The following UNC79 variants were observed in gnomAD, a reference collection of about 807,000 sequenced individuals.
UNC79 encodes protein unc-79 homolog.
Under a neutral mutation model 283.1 loss-of-function variants are expected in UNC79, and 37 were observed. The ratio of observed to expected loss-of-function variants is 0.13; its 90% CI spans 0.10 to 0.17. The LOEUF is 0.17. UNC79 is among the 10% of genes least tolerant of loss of function. The probability of loss-of-function intolerance (pLI) is 1.00; values close to 1 mark genes in which losing one functional copy is unlikely to be tolerated. For synonymous variants in UNC79, 1,107 were observed against 1,200.2 expected (o/e 0.92, Z 1.61); for missense variants, 2,272 against 3,211.1 (o/e 0.71, Z 7.07).
At chr14:93,529,549 A>ATATTGGAAT (rs2060708088) in intron 10 of UNC79, among the ~76,000 whole-genome samples, 2 of 152,336 alleles carry the variant, frequency 1.3e-5, no homozygotes, top group Admixed American at 1.3e-4. Context: ...TTAAGGGTAG[A>ATATTGGAAT]TATTGGAATT....
exon 19 of UNC79, chr14:93,580,228 T>C: frequency 6.2e-7 from 1 of 1,614,146 alleles, no homozygotes; most frequent in South Asian, 1.1e-5. Context: ...ATAAACAATG[T>C]CTTCCAAGCC....
chr14:93,357,955 C>CCA (rs2054147142), intron 1 of UNC79, among the ~76,000 whole-genome samples: 2 of 123,548 alleles, frequency 1.6e-5, no homozygotes, highest in South Asian at 2.5e-4. Context: ...AGATATATAT[C>CCA]TATATATATC....
intron 1 of UNC79, among the ~76,000 whole-genome samples, chr14:93,367,070 A>G (rs922451328): frequency 1.3e-5 from 2 of 152,116 alleles, no homozygotes; most frequent in East Asian, 3.8e-4. Flanking sequence ...GGAGGCTTTC[A>G]TACTGACTTT....
intron 1 of UNC79, among the ~76,000 whole-genome samples, chr14:93,417,710 T>A (rs2140062867): frequency 6.6e-6 from 1 of 152,284 alleles, no homozygotes; most frequent in South Asian, 2.1e-4. Context: ...TCTTGGAGGC[T>A]TTGTTCATTT....
chr14:93,653,896 C>A, intron 36 of UNC79, 42 bp downstream of exon 39: 1 of 1,614,028 alleles, frequency 6.2e-7, no homozygotes, highest in Non-Finnish European at 8.5e-7. Context: ...AAATTTGCCT[C>A]ATCCCAGACA....
At chr14:93,604,559 C>A (rs889854872) in intron 26 of UNC79, among the ~76,000 whole-genome samples, 4 of 152,106 alleles carry the variant, frequency 2.6e-5, no homozygotes, top group Non-Finnish European at 4.4e-5. Flanking sequence ...ATCCTAGAAA[C>A]CAATACCTAG....
chr14:93,634,723 A>T (rs899939291), intron 31 of UNC79, 86 bp downstream of exon 34: 15 of 1,254,406 alleles, frequency 1.2e-5, no homozygotes, highest in African/African-American at 3.0e-5. Context: ...TTGTTAAAGA[A>T]TAGATTTTCT....
chr14:93,424,594 G>T (rs2055682249), intron 1 of UNC79, among the ~76,000 whole-genome samples: 1 of 152,156 alleles, frequency 6.6e-6, no homozygotes. Context: ...TATGCTAAGT[G>T]AAATAGCCAG....
chr14:93,360,204 G>A (rs1163953394), intron 1 of UNC79, among the ~76,000 whole-genome samples: 3 of 152,294 alleles, frequency 2.0e-5, no homozygotes, highest in South Asian at 4.1e-4. Flanking sequence ...CTGACTGGTA[G>A]GATGAGGGCT....
At chr14:93,669,688 A>T (rs192491947) in intron 40 of UNC79, among the ~76,000 whole-genome samples, 9 of 152,270 alleles carry the variant, frequency 5.9e-5, no homozygotes, top group Admixed American at 2.6e-4. Flanking sequence ...CTATAAAAAA[A>T]TTTTAAAAAA....
At chr14:93,669,768 G>A (rs972983755) in intron 40 of UNC79, among the ~76,000 whole-genome samples, 2 of 152,152 alleles carry the variant, frequency 1.3e-5, no homozygotes, top group South Asian at 2.1e-4. Context: ...AGGATCACTT[G>A]AGCCCAGGCG....
At chr14:93,348,829 TG>T (rs2053922571) in intron 1 of UNC79, among the ~76,000 whole-genome samples, 1 of 152,216 alleles carries the variant, frequency 6.6e-6, no homozygotes, top group African/African-American at 2.4e-5. Context: ...ATTGCTGTCT[TG>T]AAGTGATGTT....
At chr14:93,442,792 A>G (rs934981427) in intron 1 of UNC79, among the ~76,000 whole-genome samples, 1 of 152,210 alleles carries the variant, frequency 6.6e-6, no homozygotes, top group Non-Finnish European at 1.5e-5. Context: ...CAATAAAGAT[A>G]AAGACCCATA....
rs574138132 is a variant in UNC79 at position 93,532,143 on chromosome 14, T to G, written c.1094-407T>G. ...GGTCATATTACTAAGATTTAAAAGA[T>G]TCCCCCTTCATGGCTGCCCTTATTT... On this transcript the variant is annotated intron_variant, in intron 10 of 48. Coordinates refer to ENST00000555664, the Ensembl canonical transcript of UNC79. 4.6e-5 allele frequency among the ~76,000 whole-genome samples: 7 copies of G among 152,180 alleles called. No homozygotes were observed. In the East Asian group the frequency reaches 1.3e-3, roughly 29 times the overall value.
intron 11 of UNC79, among the ~76,000 whole-genome samples, chr14:93,533,646 A>C (rs1353649858): frequency 6.6e-6 from 1 of 152,134 alleles, no homozygotes. Flanking sequence ...TGAGAGAGTG[A>C]GAGAGCCTCA....
chr14:93,504,020 A>G (rs1383991234), intron 7 of UNC79, among the ~76,000 whole-genome samples: 1 of 151,948 alleles, frequency 6.6e-6, no homozygotes, highest in Non-Finnish European at 1.5e-5. Context: ...TGAAAATATT[A>G]TTCTTTCCTT....
At position 93,418,691 on chromosome 14, in the gene UNC79, G is replaced by A. The variant is rs904612263; in HGVS notation, c.-350-48980G>A. ...GGGCTCCACCCAGTTCGAGCTTCCC[G>A]CCTGCTTTGTTTACCTAAGCAAGCC... is the stretch of plus-strand genomic sequence containing the variant. On this transcript the variant is annotated intron_variant, in intron 1 of 49. Transcript: ENST00000256339. Among the ~76,000 whole-genome samples the A allele has an allele frequency of 4.2e-4, 64 of 151,904 alleles. 1 individual carries two copies. The highest frequency in any genetic ancestry group is 1.5e-3 in the African/African-American group (63 of 41,524).
chr14:93,362,496 G>A (rs1315226877), intron 1 of UNC79, among the ~76,000 whole-genome samples: 1 of 152,056 alleles, frequency 6.6e-6, no homozygotes, highest in African/African-American at 2.4e-5. Context: ...TTACAGGTGT[G>A]TGCCACCATG....
chr14:93,455,063 G>T (rs1211740174), intron 1 of UNC79, among the ~76,000 whole-genome samples: 1 of 152,104 alleles, frequency 6.6e-6, no homozygotes, highest in Non-Finnish European at 1.5e-5. Flanking sequence ...GGTAAAATTT[G>T]CTACCTGGAA....
Sources: gnomAD v4.1 joint callset for allele counts (sites outside exome capture counted in the v4.1 genomes callset) on GRCh38, gnomAD v4.1.1 for gene constraint, MANE v1.5 for transcripts, NCBI Gene and HGNC (gene_info 2026-07-23, HGNC 2026-07-21) for gene names.